Variants in SLC35F1 observed in about 807,000 individuals in gnomAD.
SLC35F1 encodes the protein solute carrier family 35 member F1, also known as chromosome 6 open reading frame 169.
Under a neutral mutation model 48.7 loss-of-function variants are expected in SLC35F1, and 14 were observed. The ratio of observed to expected loss-of-function variants is 0.29; its 90% confidence interval spans 0.19 to 0.45. The LOEUF (loss-of-function observed/expected upper bound fraction) is 0.45, where lower values mean the gene tolerates loss of function less well. Ranked by LOEUF, SLC35F1 falls within the 20% of genes least tolerant of loss-of-function variation. The pLI is 1.00. For missense variants in SLC35F1, 404 were observed against 500.0 expected (o/e 0.81, Z 1.83); for synonymous variants, 190 against 202.2 (o/e 0.94, Z 0.51).
chr6:118,018,415 T>G (rs1777351091), intron 1 of SLC35F1, among the ~76,000 whole-genome samples: 1 of 152,106 alleles, frequency 6.6e-6, no homozygotes, highest in Non-Finnish European at 1.5e-5. Context: ...AATTCCTACC[T>G]TACAGGGTTA....
Position 118,180,616 on chromosome 6 carries a change from G to A in SLC35F1, c.349+25996G>A, listed in dbSNP as rs114224188. ...AACAGCTGTGATTCTACTAAAGAGA[G>A]AATTAGCGAACTGAAAGTTAGTTCT... On this transcript the variant is annotated intron_variant, in intron 2 of 7. Coordinates refer to ENST00000360388, the MANE Select transcript of SLC35F1 (RefSeq NM_001029858.4). Among the ~76,000 whole-genome samples the A allele has an allele frequency of 4.7e-3, 717 of 152,160 alleles. 3 individuals carry two copies. Among genetic ancestry groups the A allele is most frequent in the African/African-American group, 0.016 (680 of 41,544 alleles).
Position 118,104,593 on chromosome 6 carries a change from A to G in SLC35F1, c.174-49852A>G, listed in dbSNP as rs114118862. 4.2e-3 allele frequency among the ~76,000 whole-genome samples: 640 copies of G among 152,330 alleles called. 4 individuals carry two copies. The highest frequency in any genetic ancestry group is 0.014 in the African/African-American group (573 of 41,576). On this transcript the variant is annotated intron_variant, in intron 1 of 7. Transcript: ENST00000360388. ...GTTCAGCCACTACAGAAGTTATATC[A>G]TAACCAAATAAGTAAAAAGGGAGAA...
intron 1 of SLC35F1, among the ~76,000 whole-genome samples, chr6:118,097,145 A>G (rs1773188493): frequency 6.6e-6 from 1 of 152,116 alleles, no homozygotes; most frequent in South Asian, 2.1e-4. Context: ...AACTGCTTCC[A>G]GTTGCCCCAG....
At chr6:118,185,652 C>T (rs755645845) in intron 2 of SLC35F1, among the ~76,000 whole-genome samples, 3 of 152,114 alleles carry the variant, frequency 2.0e-5, no homozygotes, top group Admixed American at 6.5e-5. Flanking sequence ...AGTGAATCTT[C>T]GTGACTTCCT....
At chr6:117,947,292 A>G (rs1176970208) in intron 1 of SLC35F1, among the ~76,000 whole-genome samples, 2 of 152,188 alleles carry the variant, frequency 1.3e-5, no homozygotes, top group Non-Finnish European at 2.9e-5. Flanking sequence ...AGAAAATAGC[A>G]GGAGCCCAGG....
intron 3 of SLC35F1, among the ~76,000 whole-genome samples, chr6:118,258,947 T>C (rs1386157594): frequency 2.0e-5 from 3 of 151,922 alleles, no homozygotes; most frequent in Non-Finnish European, 4.4e-5. Context: ...TGACTTACCA[T>C]AGTTGACTAC....
At chr6:118,123,901 G>T (rs1773587975) in intron 1 of SLC35F1, among the ~76,000 whole-genome samples, 1 of 152,196 alleles carries the variant, frequency 6.6e-6, no homozygotes, top group Non-Finnish European at 1.5e-5. Flanking sequence ...GGTAAGCAAT[G>T]TTGGCTCAGC....
intron 5 of SLC35F1, among the ~76,000 whole-genome samples, chr6:118,276,527 CT>C (rs1339897647): frequency 6.6e-6 from 1 of 152,108 alleles, no homozygotes; most frequent in Non-Finnish European, 1.5e-5. Context: ...TCTTGAGATA[CT>C]GGTGAAAAAC....
Position 118,238,995 on chromosome 6 carries a change from C to A in SLC35F1, c.477+3359C>A, listed in dbSNP as rs540265722. ...AGACAGATGGATGCAGGAGGAAAAA[C>A]CACAATGTCTGTACACCCAGTGTAG... is the stretch of plus-strand genomic sequence containing the variant. On this transcript the variant is annotated intron_variant, in intron 3 of 7. Coordinates refer to ENST00000360388, the MANE Select transcript of SLC35F1 (RefSeq NM_001029858.4). Among the ~76,000 whole-genome samples the A allele has an allele frequency of 8.6e-4, 130 of 151,918 alleles. 1 individual carries two copies. The highest frequency in any genetic ancestry group is 3.4e-3 in the Middle Eastern group (1 of 294).
At chr6:118,213,110 T>C (rs1775028881) in intron 2 of SLC35F1, among the ~76,000 whole-genome samples, 1 of 152,208 alleles carries the variant, frequency 6.6e-6, no homozygotes, top group African/African-American at 2.4e-5. Context: ...CATAAGTATG[T>C]ACTCCAGTTC....
At chr6:117,961,326 C>G (rs1298773640) in intron 1 of SLC35F1, among the ~76,000 whole-genome samples, 1 of 152,216 alleles carries the variant, frequency 6.6e-6, no homozygotes, top group Non-Finnish European at 1.5e-5. Context: ...GCTAGAACTA[C>G]TGCAGGCAGG....
At chr6:117,990,217 A>T (rs1196994085) in intron 1 of SLC35F1, among the ~76,000 whole-genome samples, 1 of 152,200 alleles carries the variant, frequency 6.6e-6, no homozygotes, top group Non-Finnish European at 1.5e-5. Flanking sequence ...TTACTGCAGA[A>T]CTAGAATTCT....
At chr6:118,213,208 A>C (rs1035520086) in intron 2 of SLC35F1, among the ~76,000 whole-genome samples, 7 of 152,368 alleles carry the variant, frequency 4.6e-5, no homozygotes, top group Admixed American at 2.6e-4. Flanking sequence ...AAAGAGCTAA[A>C]ATCAACAAGT....
chr6:118,183,767 ACT>A (rs1774618325), intron 2 of SLC35F1, among the ~76,000 whole-genome samples: 2 of 152,060 alleles, frequency 1.3e-5, no homozygotes, highest in Non-Finnish European at 2.9e-5. Flanking sequence ...TCTACAACAG[ACT>A]CTGCAATTAA....
At chr6:118,147,771 A>G (rs1773997226) in intron 1 of SLC35F1, among the ~76,000 whole-genome samples, 2 of 152,144 alleles carry the variant, frequency 1.3e-5, no homozygotes, top group African/African-American at 2.4e-5. Flanking sequence ...CCAGTAAAAC[A>G]TTATGTTTAA....
At position 117,993,041 on chromosome 6, in the gene SLC35F1, A is replaced by G. The variant is rs530419972; in HGVS notation, c.173+85142A>G. On this transcript the variant is annotated intron_variant, in intron 1 of 7. Coordinates refer to ENST00000360388, the MANE Select transcript of SLC35F1 (RefSeq NM_001029858.4). ...AAAGCCACAGACCCCGTTTATCACA[A>G]GGGATCTGGGAGCTCTCTCTTCCTG... 3.3e-5 allele frequency among the ~76,000 whole-genome samples: 5 copies of G among 152,312 alleles called. No homozygotes were observed. In the East Asian group the frequency reaches 7.7e-4, roughly 24 times the overall value.
intron 1 of SLC35F1, among the ~76,000 whole-genome samples, chr6:117,923,776 T>TAC (rs1338737427): frequency 5.9e-4 from 44 of 74,316 alleles, no homozygotes; most frequent in African/African-American, 2.8e-3. Flanking sequence ...CATACATATG[T>TAC]ATATATACAT....
chr6:118,027,142 T>G (rs1219746818), intron 1 of SLC35F1, among the ~76,000 whole-genome samples: 1 of 152,192 alleles, frequency 6.6e-6, no homozygotes, highest in Non-Finnish European at 1.5e-5. Context: ...AGTAATTTAT[T>G]TATTTTTATC....
At chr6:118,025,850 A>G (rs1163206222) in intron 1 of SLC35F1, among the ~76,000 whole-genome samples, 1 of 152,204 alleles carries the variant, frequency 6.6e-6, no homozygotes, top group African/African-American at 2.4e-5. Flanking sequence ...TCTTATATTT[A>G]ACATAAATCT....
Sources: gnomAD v4.1 joint callset for allele counts (sites outside exome capture counted in the v4.1 genomes callset) on GRCh38, gnomAD v4.1.1 for gene constraint, MANE v1.5 for transcripts, NCBI Gene and HGNC (gene_info 2026-07-23, HGNC 2026-07-21) for gene names.